The following SORBS2 variants were observed in gnomAD, a reference collection of about 807,000 sequenced individuals.
SORBS2 encodes the protein sorbin and SH3 domain containing 2.
Under a neutral mutation model 97.7 loss-of-function variants are expected in SORBS2, and 46 were observed. That is an observed-to-expected ratio of 0.47 (90% CI 0.37 to 0.60). The LOEUF (loss-of-function observed/expected upper bound fraction) is 0.60. Among genes scored for constraint, SORBS2 ranks in the 20% least tolerant of loss-of-function variants. The pLI is 0.00. For missense variants in SORBS2, 1,316 were observed against 1,282.3 expected, an observed-to-expected ratio of 1.03 and a Z score of -0.40; for synonymous variants, 476 against 473.4, an observed-to-expected ratio of 1.01 and a Z score of -0.07.
chr4:185,866,129 T>A (rs1335065408), intron 1 of SORBS2, among the ~76,000 whole-genome samples: 2 of 152,214 alleles, frequency 1.3e-5, no homozygotes, highest in African/African-American at 2.4e-5. Flanking sequence ...TTTCTGTGGT[T>A]AAAAGATTCC....
At chr4:185,931,978 G>C (rs1170398950) in intron 1 of SORBS2, among the ~76,000 whole-genome samples, 8 of 140,012 alleles carry the variant, frequency 5.7e-5, no homozygotes, top group African/African-American at 2.0e-4. Flanking sequence ...GGAAGAACCT[G>C]TCTCTCTCTC....
chr4:185,732,203 T>C (rs892629301), intron 2 of SORBS2, among the ~76,000 whole-genome samples: 1 of 151,978 alleles, frequency 6.6e-6, no homozygotes, highest in Non-Finnish European at 1.5e-5. Context: ...CTCCCAGGCA[T>C]TCCGTCACTC....
chr4:185,913,572 T>C (rs1299480799), intron 1 of SORBS2, among the ~76,000 whole-genome samples: 1 of 152,174 alleles, frequency 6.6e-6, no homozygotes, highest in Non-Finnish European at 1.5e-5. Context: ...CACTTCCTAT[T>C]AAACATTTTC....
At chr4:185,612,042 G>T in intron 11 of SORBS2, 62 bp from the exon 24 acceptor site, 1 of 1,186,578 alleles carries the variant, frequency 8.4e-7, no homozygotes, top group Non-Finnish European at 1.2e-6. Context: ...AAATATAATT[G>T]TCAATGTTTT....
chr4:185,637,295 A>G (rs1159202299), intron 4 of SORBS2, among the ~76,000 whole-genome samples: 1 of 152,250 alleles, frequency 6.6e-6, no homozygotes, highest in Non-Finnish European at 1.5e-5. Context: ...GGAGTGCAGG[A>G]ACCTGCTGTA....
At chr4:185,602,512 A>G (rs2096286434) in intron 12 of SORBS2, among the ~76,000 whole-genome samples, 1 of 152,242 alleles carries the variant, frequency 6.6e-6, no homozygotes, top group African/African-American at 2.4e-5. Context: ...TCATTGTCTT[A>G]GAAAACACTT....
intron 1 of SORBS2, chr4:185,812,953 A>T (rs2099189340): frequency 2.6e-5 from 4 of 152,210 alleles, no homozygotes; most frequent in African/African-American, 9.6e-5. Context: ...ATTACCTTCA[A>T]GGCAAGAATA....
chr4:185,602,906 G>A (rs1561341029), intron 12 of SORBS2, among the ~76,000 whole-genome samples: 3 of 152,118 alleles, frequency 2.0e-5, no homozygotes, highest in Non-Finnish European at 4.4e-5. Context: ...AAAACTCAGT[G>A]GGAGATTCAA....
intron 2 of SORBS2, 42 bp from the exon 12 acceptor site, chr4:185,649,698 A>T (rs760093810): frequency 1.3e-5 from 16 of 1,259,828 alleles, no homozygotes; most frequent in Middle Eastern, 2.0e-4. Flanking sequence ...AACAGAAGCA[A>T]ATCACCTCTT....
intron 1 of SORBS2, among the ~76,000 whole-genome samples, chr4:185,858,549 T>C (rs1499015): frequency 0.072 from 10,968 of 152,230 alleles, 514 homozygotes; most frequent in East Asian, 0.14. Flanking sequence ...AGATTGCCAT[T>C]TGCCACATTT....
chr4:185,669,419 A>C (rs2097673331), intron 4 of SORBS2, among the ~76,000 whole-genome samples: 1 of 152,204 alleles, frequency 6.6e-6, no homozygotes, highest in Non-Finnish European at 1.5e-5. Flanking sequence ...TATGACCTTT[A>C]GTTCGCTCAT....
intron 1 of SORBS2, among the ~76,000 whole-genome samples, chr4:185,866,613 AG>A (rs1489409402): frequency 6.6e-6 from 1 of 152,258 alleles, no homozygotes; most frequent in Non-Finnish European, 1.5e-5. Context: ...TAGGCAAAAC[AG>A]AGACAGTTTC....
At chr4:185,699,920 G>T (rs2153530589) in intron 2 of SORBS2, among the ~76,000 whole-genome samples, 2 of 152,302 alleles carry the variant, frequency 1.3e-5, no homozygotes, top group Middle Eastern at 3.4e-3. Context: ...AAATGTACAA[G>T]TGTTAAGCAG....
intron 2 of SORBS2, among the ~76,000 whole-genome samples, chr4:185,746,067 C>G (rs1016030452): frequency 6.6e-6 from 1 of 152,190 alleles, no homozygotes; most frequent in African/African-American, 2.4e-5. Flanking sequence ...GAGGGAAAAG[C>G]AGCAGGTGGC....
chr4:185,697,846 C>T (rs1308063802), intron 2 of SORBS2, among the ~76,000 whole-genome samples: 1 of 152,062 alleles, frequency 6.6e-6, no homozygotes, highest in African/African-American at 2.4e-5. Flanking sequence ...TTTAAAGAAC[C>T]ATTTTTTAAA....
At chr4:185,639,742 T>C (rs2097095666) in intron 4 of SORBS2, among the ~76,000 whole-genome samples, 1 of 152,226 alleles carries the variant, frequency 6.6e-6, no homozygotes, top group African/African-American at 2.4e-5. Context: ...CTAAAAGCCA[T>C]TCACTCTGGC....
intron 4 of SORBS2, among the ~76,000 whole-genome samples, chr4:185,674,175 G>A (rs952155800): frequency 3.3e-5 from 5 of 152,178 alleles, no homozygotes; most frequent in Non-Finnish European, 5.9e-5. Context: ...CTTAATGTGG[G>A]TGTCTAAGAA....
intron 1 of SORBS2, among the ~76,000 whole-genome samples, chr4:185,786,437 A>G (rs1561020622): frequency 6.6e-6 from 1 of 152,218 alleles, no homozygotes; most frequent in East Asian, 1.9e-4. Context: ...TTATAATCCT[A>G]TCTACCTTGT....
chr4:185,892,131 T>G (rs2099242840), intron 1 of SORBS2, among the ~76,000 whole-genome samples: 1 of 152,196 alleles, frequency 6.6e-6, no homozygotes, highest in African/African-American at 2.4e-5. Flanking sequence ...TTAGATTGGG[T>G]GCTAAGTTAA....
Sources: gnomAD v4.1 joint callset for allele counts (sites outside exome capture counted in the v4.1 genomes callset) on GRCh38, gnomAD v4.1.1 for gene constraint, MANE v1.5 for transcripts, NCBI Gene and HGNC (gene_info 2026-07-23, HGNC 2026-07-21) for gene names.